The following ZNF148 variants were observed in gnomAD, a reference collection of about 807,000 sequenced individuals.
ZNF148 encodes zinc finger protein 148.
Under a neutral mutation model 67.7 loss-of-function variants are expected in ZNF148, and 7 were observed. The observed-to-expected ratio is 0.10, with a 90% CI of 0.06 to 0.19. ZNF148 has a LOEUF of 0.19. Ranked by LOEUF, ZNF148 falls within the 10% of genes least tolerant of loss-of-function variation. The probability of loss-of-function intolerance (pLI) is 1.00; values close to 1 mark genes in which losing one functional copy is unlikely to be tolerated. For synonymous variants in ZNF148, 333 were observed against 330.7 expected, an observed-to-expected ratio of 1.01 and a Z score of -0.08; for missense variants, 583 against 947.1, an observed-to-expected ratio of 0.62 and a Z score of 5.05.
chr3:125,366,671 T>A (rs1188314840), intron 1 of ZNF148, among the ~76,000 whole-genome samples: 1 of 152,222 alleles, frequency 6.6e-6, no homozygotes, highest in Admixed American at 6.5e-5. Flanking sequence ...TAGATAGAAG[T>A]GTGACATGTA....
At chr3:125,264,770 T>TCC (rs1560124779) in intron 7 of ZNF148, among the ~76,000 whole-genome samples, 1 of 152,242 alleles carries the variant, frequency 6.6e-6, no homozygotes, top group Non-Finnish European at 1.5e-5. Context: ...CAGAACCTCA[T>TCC]CACTTAATAA....
intron 1 of ZNF148, among the ~76,000 whole-genome samples, chr3:125,372,063 CAA>C (rs35024355): frequency 0.039 from 4,547 of 115,686 alleles, 187 homozygotes; most frequent in African/African-American, 0.12. Flanking sequence ...GACTCCGTCT[CAA>C]AAAAAAAAAA....
chr3:125,375,265 C>A lies in ZNF148; in HGVS notation c.-397G>T. The A allele has an allele frequency of 6.7e-6, 1 of 150,288 alleles. No individual in the cohort carries two copies. Among genetic ancestry groups the A allele is most frequent in the South Asian group, 2.1e-4 (1 of 4,872 alleles). The allele number at this position is 150,288 out of a possible 1,614,324, so 9.3% of individuals were successfully genotyped here. The stretch of plus-strand genomic sequence containing the variant: ...GCGCCTTTCTCCTCTTCCTCCCCCT[C>A]CTCCTCCTCCTCCTCTTCCTCCTTC... On this transcript the variant is annotated 5_prime_UTR_variant, in exon 1 of 9. An upstream open reading frame in the 5' UTR gains an earlier in-frame stop. Transcript: ENST00000360647.
chr3:125,362,557 TTTTTG>T lies in ZNF148; in HGVS notation c.-234+12540_-234+12544del, dbSNP rs1172684248. On this transcript the variant is annotated intron_variant, in intron 1 of 8. Transcript: ENST00000360647. The stretch of plus-strand genomic sequence containing the variant: ...AGTCCTTACCCTTTTTTTGTTTTTG[TTTTTG>T]TTTTTTTTTTGAGACGGGCTCTTAC... Among the ~76,000 whole-genome samples the T allele has an allele frequency of 2.9e-4, 39 of 133,030 alleles. No homozygotes were observed. The East Asian group carries it at 3.7e-3, about 13-fold the overall frequency. 87.3% of individuals were successfully genotyped at this position (133,030 alleles called of 152,430 possible). A position where few individuals can be genotyped will look rare whatever the true frequency, so the allele number is the denominator to read the frequency against.
intron 7 of ZNF148, among the ~76,000 whole-genome samples, chr3:125,255,236 CTTTTTTTTTTTTTT>C (rs59309462): frequency 3.2e-5 from 2 of 62,136 alleles, no homozygotes; most frequent in Non-Finnish European, 5.6e-5. Flanking sequence ...TCTCCACCTG[CTTTTTTTTTTTTTT>C]TTTTTTTTTT....
chr3:125,248,088 C>T (rs950306448), intron 7 of ZNF148, among the ~76,000 whole-genome samples: 10 of 152,098 alleles, frequency 6.6e-5, no homozygotes, highest in African/African-American at 2.4e-4. Context: ...CTATGCAGTA[C>T]AAGACCTAAA....
intron 8 of ZNF148, 99 bp downstream of exon 8, chr3:125,234,111 AG>A (rs947133237): frequency 1.7e-6 from 2 of 1,210,270 alleles, no homozygotes; most frequent in Non-Finnish European, 2.3e-6. Flanking sequence ...AAGAGTTAGA[AG>A]GCCCCTTAAA....
At chr3:125,324,673 T>C (rs1218345193) in intron 2 of ZNF148, among the ~76,000 whole-genome samples, 1 of 152,194 alleles carries the variant, frequency 6.6e-6, no homozygotes, top group Non-Finnish European at 1.5e-5. Flanking sequence ...ACATGAAAGA[T>C]CCTATGATTT....
chr3:125,233,460 A>G lies in ZNF148; in HGVS notation c.1266T>C (p.Val422=), dbSNP rs769469284. The G allele has an allele frequency of 7.4e-6, 12 of 1,613,950 alleles. No homozygotes were observed. The highest frequency in any genetic ancestry group is 1.0e-5 in the Non-Finnish European group (12 of 1,179,938). The part of the protein sequence containing the change: ...SPLSTYEESK[V]SKYAFELVDK... ...CCACAAGTTCAAAAGCATACTTTGAAACTTTGCTCTCTTCATATGTGGATA... is the reference window on the plus strand; with the variant it reads ...CCACAAGTTCAAAAGCATACTTTGAGACTTTGCTCTCTTCATATGTGGATA... Residue 422 remains valine, a synonymous_variant, in exon 9 of 9, where the codon GTT becomes GTC. Transcript: ENST00000360647. The surrounding 1 kb of genome is among the most constrained non-coding windows in gnomAD (Gnocchi z 5.1).
In ZNF148 at chr3:125,228,534, T is replaced by C. The variant is rs1379291441; in HGVS notation, c.*3807A>G. Reference sequence around the variant, plus strand: ...GTAAAGTTAGCACTGCTATGTATTATTGCTTACATACAGTACAACATCATA... The same window carrying C: ...GTAAAGTTAGCACTGCTATGTATTACTGCTTACATACAGTACAACATCATA... On this transcript the variant is annotated 3_prime_UTR_variant, in exon 9 of 9. Coordinates refer to ENST00000360647, the MANE Select transcript of ZNF148 (RefSeq NM_021964.3). The C allele has an allele frequency of 1.3e-5, 2 of 152,662 alleles. No individual in the cohort carries two copies. The highest frequency in any genetic ancestry group is 3.8e-4 in the East Asian group (2 of 5,204). The allele number at this position is 152,662 out of a possible 1,614,324, so 9.5% of individuals were successfully genotyped here. A position where few individuals can be genotyped will look rare whatever the true frequency, so the allele number is the denominator to read the frequency against.
intron 3 of ZNF148, among the ~76,000 whole-genome samples, chr3:125,319,096 T>C (rs35672726): frequency 0.035 from 5,357 of 152,210 alleles, 143 homozygotes; most frequent in South Asian, 0.084. Flanking sequence ...AACCCTCTAG[T>C]CATTTAAGCC....
chr3:125,307,405 G>A (rs935327539), intron 4 of ZNF148, among the ~76,000 whole-genome samples: 3 of 151,778 alleles, frequency 2.0e-5, no homozygotes, highest in East Asian at 1.9e-4. Context: ...CCGCATTCAC[G>A]CCATTCTCCT....
intron 1 of ZNF148, among the ~76,000 whole-genome samples, chr3:125,353,499 A>G (rs1317563249): frequency 6.6e-6 from 1 of 152,184 alleles, no homozygotes; most frequent in Non-Finnish European, 1.5e-5. Flanking sequence ...ACCAATGTCA[A>G]TTTCCTAGTT....
Position 125,314,317 on chromosome 3 carries a change from A to G in ZNF148, c.-16-661T>C, listed in dbSNP as rs139542788. Among the ~76,000 whole-genome samples, 290 of 152,346 alleles carry G rather than the reference A, an allele frequency of 1.9e-3. 3 individuals carry two copies. The highest frequency in any genetic ancestry group is 6.3e-3 in the African/African-American group (260 of 41,590). ...ATAAAAATGTACATATTCTTTGAAC[A>G]AGGAATTCTACATTTTGGAATTTAT... On this transcript the variant is annotated intron_variant, in intron 3 of 8. Coordinates refer to ENST00000360647, the MANE Select transcript of ZNF148 (RefSeq NM_021964.3).
intron 7 of ZNF148, among the ~76,000 whole-genome samples, chr3:125,258,194 G>A (rs1560119412): frequency 6.6e-6 from 1 of 151,886 alleles, no homozygotes; most frequent in Non-Finnish European, 1.5e-5. Flanking sequence ...AGGCCAAGGT[G>A]GGCGGATCAT....
chr3:125,372,643 C>A (rs1358068272), intron 1 of ZNF148, among the ~76,000 whole-genome samples: 1 of 152,174 alleles, frequency 6.6e-6, no homozygotes, highest in Non-Finnish European at 1.5e-5. Context: ...TGCTGTTTTT[C>A]ATTGTAAGTT....
intron 4 of ZNF148, chr3:125,292,924 A>G (rs976212389): frequency 4.6e-5 from 7 of 152,222 alleles, no homozygotes; most frequent in African/African-American, 1.7e-4. Flanking sequence ...GTCACCACAG[A>G]TATGCATTAT....
At position 125,226,960 on chromosome 3, in the gene ZNF148, T is replaced by C. The variant is rs553004956; in HGVS notation, c.*5381A>G. 6.6e-6 allele frequency: 1 copy of C among 152,264 alleles called. No homozygotes were observed. Among genetic ancestry groups the C allele is most frequent in the East Asian group, 1.9e-4 (1 of 5,190 alleles). 9.4% of individuals were successfully genotyped at this position (152,264 alleles called of 1,614,324 possible). A position where few individuals can be genotyped will look rare whatever the true frequency, so the allele number is the denominator to read the frequency against. ...TAGATTTTAAAATTTAGTGCTCCTA[T>C]TTTTTGGGGGAGAGGGGAAGGAAAG... On this transcript the variant is annotated 3_prime_UTR_variant, in exon 9 of 9. Coordinates refer to ENST00000360647, the MANE Select transcript of ZNF148 (RefSeq NM_021964.3).
rs1401471881 is a variant in ZNF148, at chr3:125,288,207, T to C, written c.355A>G (p.Thr119Ala). ...AGTTGCTCAGATACATCAGTAAAAGTAATTTCCTGCTTTACGCTTATCTGT... is the reference window on the plus strand; with the variant it reads ...AGTTGCTCAGATACATCAGTAAAAGCAATTTCCTGCTTTACGCTTATCTGT... ...NVPISVKQEI[T>A]FTDVSEQLMR... The change falls in exon 5 of 9, where the codon ACT becomes GCT. Residue 119 changes from threonine (T) to alanine (A), a missense_variant. Coordinates refer to ENST00000360647, the MANE Select transcript of ZNF148 (RefSeq NM_021964.3). 3 of 1,613,438 alleles carry C rather than the reference T, an allele frequency of 1.9e-6. No individual in the cohort carries two copies. Among genetic ancestry groups the C allele is most frequent in the South Asian group, 1.1e-5 (1 of 91,078 alleles).
Sources: gnomAD v4.1 joint callset for allele counts (sites outside exome capture counted in the v4.1 genomes callset) on GRCh38, gnomAD v4.1.1 for gene constraint, Gnocchi (gnomAD v3.1) non-coding constraint, MANE v1.5 for transcripts, NCBI Gene and HGNC (gene_info 2026-07-23, HGNC 2026-07-21) for gene names.